Variants in CALN1 observed in about 807,000 individuals in gnomAD.
CALN1 encodes calneuron 1.
Under a neutral mutation model 30.6 loss-of-function variants are expected in CALN1, and 17 were observed. The ratio of observed to expected loss-of-function variants is 0.56; its 90% CI spans 0.38 to 0.83. CALN1 has a LOEUF of 0.83. Ranked by LOEUF, CALN1 falls within the 40% of genes least tolerant of loss-of-function variation. CALN1 has a pLI of 0.00. For missense variants in CALN1, 291 were observed against 354.9 expected, an observed-to-expected ratio of 0.82 and a Z score of 1.45; for synonymous variants, 156 against 131.4, an observed-to-expected ratio of 1.19 and a Z score of -1.28.
At chr7:72,175,709 A>T (rs1562691542) in intron 3 of CALN1, among the ~76,000 whole-genome samples, 1 of 152,166 alleles carries the variant, frequency 6.6e-6, no homozygotes. Context: ...CTTTGTGAGA[A>T]CAAACGCCGC....
chr7:72,374,946 T>C (rs1282534830), intron 2 of CALN1, among the ~76,000 whole-genome samples: 1 of 152,208 alleles, frequency 6.6e-6, no homozygotes. Flanking sequence ...GCTTTTTACA[T>C]ATAAATATGG....
intron 5 of CALN1, among the ~76,000 whole-genome samples, chr7:71,991,384 A>C (rs1485605602): frequency 2.0e-5 from 3 of 151,974 alleles, no homozygotes; most frequent in Non-Finnish European, 2.9e-5. Context: ...ACTTGAACCC[A>C]GGAGGCAGAG....
intron 2 of CALN1, among the ~76,000 whole-genome samples, chr7:72,341,029 G>A (rs1237196075): frequency 6.6e-6 from 1 of 151,906 alleles, no homozygotes; most frequent in African/African-American, 2.4e-5. Context: ...TCAGCAATGT[G>A]AAAACGAATT....
intron 2 of CALN1, among the ~76,000 whole-genome samples, chr7:72,394,870 C>T (rs887223460): frequency 1.3e-4 from 20 of 151,966 alleles, no homozygotes; most frequent in Admixed American, 1.2e-3. Flanking sequence ...ATTGCCCGGG[C>T]TGGTCTCAAA....
At chr7:72,094,961 A>G (rs1806116875) in intron 4 of CALN1, among the ~76,000 whole-genome samples, 1 of 152,136 alleles carries the variant, frequency 6.6e-6, no homozygotes, top group Non-Finnish European at 1.5e-5. Flanking sequence ...AAACATTCAC[A>G]TATAGGTTTG....
chr7:72,123,716 T>C (rs1337415583), intron 3 of CALN1, among the ~76,000 whole-genome samples: 1 of 152,168 alleles, frequency 6.6e-6, no homozygotes. Context: ...TTTCAGTCCA[T>C]TTGGCCTTCC....
chr7:72,075,516 T>C (rs936292380), intron 4 of CALN1, among the ~76,000 whole-genome samples: 3 of 152,218 alleles, frequency 2.0e-5, no homozygotes, highest in Non-Finnish European at 4.4e-5. Flanking sequence ...GTTGAACCTG[T>C]GCCTTACTCT....
At chr7:71,891,776 T>A (rs1160775831) in intron 5 of CALN1, among the ~76,000 whole-genome samples, 1 of 152,084 alleles carries the variant, frequency 6.6e-6, no homozygotes, top group Non-Finnish European at 1.5e-5. Flanking sequence ...AAGCCCCGTC[T>A]CTACTAAAAA....
At chr7:72,197,901 A>G (rs1051297941) in intron 3 of CALN1, among the ~76,000 whole-genome samples, 11 of 152,114 alleles carry the variant, frequency 7.2e-5, no homozygotes, top group African/African-American at 2.4e-4. Flanking sequence ...AAATAAATGT[A>G]AAAAAGAACG....
At position 72,338,525 on chromosome 7, in the gene CALN1, G is replaced by GTGTC. The variant is rs1554378747; in HGVS notation, c.120-59719_120-59716dup. Among the ~76,000 whole-genome samples, 23 of 122,376 alleles carry GTGTC rather than the reference G, an allele frequency of 1.9e-4. 1 individual carries two copies. The highest frequency in any genetic ancestry group is 5.4e-4 in the South Asian group (2 of 3,704). 80.3% of individuals were successfully genotyped at this position (122,376 alleles called of 152,430 possible). On this transcript the variant is annotated intron_variant, in intron 2 of 6. Coordinates refer to ENST00000395275, the MANE Select transcript of CALN1 (RefSeq NM_031468.4). ...TGTGTGTGTGTGTGTGTGTGTGTGT[G>GTGTC]TGTCTCACCTGGGTGTGGTTTCAGA...
chr7:72,279,489 C>T (rs1241990397), intron 2 of CALN1, among the ~76,000 whole-genome samples: 1 of 152,194 alleles, frequency 6.6e-6, no homozygotes, highest in Non-Finnish European at 1.5e-5. Flanking sequence ...TGTCCCACAA[C>T]GAAGCTACTT....
chr7:72,417,748 A>T (rs1197786472), intron 1 of CALN1, among the ~76,000 whole-genome samples: 1 of 152,142 alleles, frequency 6.6e-6, no homozygotes, highest in Non-Finnish European at 1.5e-5. Flanking sequence ...CTTCATGTTC[A>T]TTAGTCATGG....
intron 3 of CALN1, among the ~76,000 whole-genome samples, chr7:72,251,455 G>C (rs1795551296): frequency 2.0e-5 from 3 of 151,986 alleles, no homozygotes; most frequent in Admixed American, 1.3e-4. Context: ...CCAGACTGCA[G>C]TGGTGTGATC....
chr7:72,180,343 G>A (rs1344564413), intron 3 of CALN1, among the ~76,000 whole-genome samples: 1 of 152,140 alleles, frequency 6.6e-6, no homozygotes, highest in Non-Finnish European at 1.5e-5. Context: ...GGTTCAGGGG[G>A]TGACAGCCCA....
At chr7:72,054,036 C>T (rs1563014700) in intron 4 of CALN1, among the ~76,000 whole-genome samples, 1 of 152,060 alleles carries the variant, frequency 6.6e-6, no homozygotes, top group Non-Finnish European at 1.5e-5. Flanking sequence ...TCTTTATCCA[C>T]TCATTGATTG....
intron 3 of CALN1, among the ~76,000 whole-genome samples, chr7:72,256,072 C>T (rs750243916): frequency 6.6e-6 from 1 of 152,196 alleles, no homozygotes; most frequent in Non-Finnish European, 1.5e-5. Context: ...GCGATGGGCA[C>T]TTTTCAAGAT....
At chr7:72,405,700 T>C (rs1806648241) in intron 1 of CALN1, among the ~76,000 whole-genome samples, 1 of 151,064 alleles carries the variant, frequency 6.6e-6, no homozygotes, top group Admixed American at 6.6e-5. Context: ...AGCAAGTGTG[T>C]CATTACAGTA....
chr7:71,996,415 T>C (rs1299134212), intron 5 of CALN1, among the ~76,000 whole-genome samples: 1 of 152,182 alleles, frequency 6.6e-6, no homozygotes. Context: ...CCAGTGAGTG[T>C]TGTTCCCCTC....
Position 71,988,469 on chromosome 7 carries a change from T to A in CALN1, c.501+35188A>T, listed in dbSNP as rs77920587. Among the ~76,000 whole-genome samples the A allele has an allele frequency of 4.5e-3, 680 of 152,306 alleles. 15 individuals are homozygous for A. In the East Asian group the frequency reaches 0.066, roughly 15 times the overall value. On this transcript the variant is annotated intron_variant, in intron 5 of 6. Coordinates refer to ENST00000395275, the MANE Select transcript of CALN1 (RefSeq NM_031468.4). Reference sequence around the variant, plus strand: ...GCCCCAAGCCCACAGTCATGTGGAATAGACTCAGAGAGCATACTTGTTGGT... The same window carrying A: ...GCCCCAAGCCCACAGTCATGTGGAAAAGACTCAGAGAGCATACTTGTTGGT...
Sources: allele counts gnomAD v4.1 joint callset (sites outside exome capture counted in the v4.1 genomes callset), GRCh38; gene constraint gnomAD v4.1.1; transcripts MANE v1.5; gene names NCBI Gene and HGNC (gene_info 2026-07-23, HGNC 2026-07-21).